EGFR: variants seen among roughly 807,000 people sequenced by gnomAD.
The protein encoded by EGFR is avian erythroblastic leukemia viral (v-erb-b) oncogene homolog.
A neutral mutation model predicts 143.0 loss-of-function variants in EGFR; 58 were observed. The observed-to-expected ratio is 0.41, with a 90% confidence interval of 0.33 to 0.50. The LOEUF is 0.50. EGFR is among the 20% of genes least tolerant of loss of function. The probability of loss-of-function intolerance (pLI) is 0.39; values close to 1 mark genes in which losing one functional copy is unlikely to be tolerated. For missense variants in EGFR, 1,307 were observed against 1,579.0 expected (o/e 0.83, Z 2.92); for synonymous variants, 613 against 594.4 (o/e 1.03, Z -0.45).
chr7:55,066,254 TA>T (rs1583953479), intron 1 of EGFR, among the ~76,000 whole-genome samples: 1 of 152,194 alleles, frequency 6.6e-6, no homozygotes, highest in African/African-American at 2.4e-5. Flanking sequence ...AAGTGAAAAC[TA>T]AAAAATTAAT....
At chr7:55,163,633 G>T in intron 13 of EGFR, 100 bp from the exon 14 acceptor site, 2 of 1,006,490 alleles carry the variant, frequency 2.0e-6, no homozygotes, top group South Asian at 1.3e-5. Context: ...CCAACTCCTT[G>T]ACCATTACCT....
intron 4 of EGFR, among the ~76,000 whole-genome samples, chr7:55,147,926 G>A (rs747322): frequency 0.013 from 2,050 of 152,292 alleles, 37 homozygotes; most frequent in African/African-American, 0.044. Context: ...AAAATGTCCC[G>A]AAGGTTTATC....
chr7:55,163,622 C>A, intron 13 of EGFR, 111 bp from the exon 14 acceptor site: 2 of 884,942 alleles, frequency 2.3e-6, no homozygotes, highest in Non-Finnish European at 3.8e-6. Flanking sequence ...GTCCTGGAGT[C>A]CCAACTCCTT....
Position 55,156,555 on chromosome 7 carries a change from T to C in EGFR, c.1029T>C (p.Gly343=), listed in dbSNP as rs774905136. The C allele has an allele frequency of 9.9e-6, 16 of 1,614,120 alleles. No individual in the cohort carries two copies. The East Asian group carries it at 3.3e-4, about 34-fold the overall frequency. The change falls in exon 9 of 28, where the codon GGT becomes GGC. Residue 343 remains glycine (G), a synonymous_variant. Transcript: ENST00000275493. ...CRKVCNGIGI[G]EFKDSLSINA... is the part of the protein sequence containing the mutation. Reference sequence around the variant, plus strand: ...CAGTGTGTAACGGAATAGGTATTGGTGAATTTAAAGACTCACTCTCCATAA... The same window carrying C: ...CAGTGTGTAACGGAATAGGTATTGGCGAATTTAAAGACTCACTCTCCATAA...
At chr7:55,173,681 T>C (rs900122861) in intron 17 of EGFR, among the ~76,000 whole-genome samples, 6 of 152,250 alleles carry the variant, frequency 3.9e-5, no homozygotes, top group African/African-American at 1.2e-4. Flanking sequence ...ATTGTGTTTG[T>C]TGAAAGGTAG....
intron 1 of EGFR, chr7:55,119,121 T>C (rs1793049132): frequency 6.6e-6 from 1 of 152,192 alleles, no homozygotes; most frequent in Non-Finnish European, 1.5e-5. Flanking sequence ...AATTTTCTAA[T>C]ACATCTGATC....
chr7:55,181,989 C>G (rs1264770972), intron 20 of EGFR: 2 of 213,262 alleles, frequency 9.4e-6, no homozygotes, highest in East Asian at 1.2e-4. Context: ...TAAGTGTCCC[C>G]CTTTCCACAG....
At position 55,173,918 on chromosome 7, in the gene EGFR, C is replaced by T. The variant is rs778075962; in HGVS notation, c.2062-3C>T. 1.9e-6 allele frequency: 3 copies of T among 1,614,148 alleles called. No homozygotes were observed. Among genetic ancestry groups the T allele is most frequent in the Non-Finnish European group, 2.5e-6 (3 of 1,180,050 alleles). On this transcript the variant is annotated splice_region_variant and splice_polypyrimidine_tract_variant and intron_variant, in intron 17 of 27. Coordinates refer to ENST00000275493, the MANE Select transcript of EGFR (RefSeq NM_005228.5). ...CTTGTCTCTGTGTTCTTGTCCCCCCCAGCTTGTGGAGCCTCTTACACCCAG... is the reference window on the plus strand; with the variant it reads ...CTTGTCTCTGTGTTCTTGTCCCCCCTAGCTTGTGGAGCCTCTTACACCCAG...
chr7:55,076,503 A>T (rs1380609327), intron 1 of EGFR, among the ~76,000 whole-genome samples: 1 of 152,166 alleles, frequency 6.6e-6, no homozygotes, highest in African/African-American at 2.4e-5. Context: ...AAACACAACT[A>T]ATGTCCAGAA....
At chr7:55,099,660 T>G (rs1297129865) in intron 1 of EGFR, among the ~76,000 whole-genome samples, 1 of 152,162 alleles carries the variant, frequency 6.6e-6, no homozygotes, top group Non-Finnish European at 1.5e-5. Flanking sequence ...GGACTCTGCC[T>G]TCAGGGCTTC....
intron 1 of EGFR, among the ~76,000 whole-genome samples, chr7:55,093,784 CTG>C (rs1052444804): frequency 2.0e-5 from 3 of 152,162 alleles, no homozygotes; most frequent in Admixed American, 2.0e-4. Flanking sequence ...TGAAACTAGT[CTG>C]TGATCCGAGG....
At chr7:55,049,640 A>G (rs1460387300) in intron 1 of EGFR, among the ~76,000 whole-genome samples, 1 of 152,000 alleles carries the variant, frequency 6.6e-6, no homozygotes, top group Non-Finnish European at 1.5e-5. Flanking sequence ...CTCTCTGATG[A>G]CTGCTTCATG....
At chr7:55,160,464 A>C (rs1785643362) in intron 12 of EGFR, 126 bp downstream of exon 12, 11 of 1,045,178 alleles carry the variant, frequency 1.1e-5, no homozygotes, top group Non-Finnish European at 1.5e-5. Context: ...GCAAATTAAA[A>C]TCTTAAGATT....
intron 15 of EGFR, among the ~76,000 whole-genome samples, chr7:55,165,916 G>A (rs938699500): frequency 2.6e-5 from 4 of 152,166 alleles, no homozygotes; most frequent in Non-Finnish European, 5.9e-5. Context: ...AGTGGCTCAC[G>A]CCTGTAATTC....
In EGFR at chr7:55,192,642, C is replaced by T. The variant is rs542929227; in HGVS notation, c.2626-124C>T. On this transcript the variant is annotated intron_variant, in intron 21 of 27. Coordinates refer to ENST00000275493, the MANE Select transcript of EGFR (RefSeq NM_005228.5). ...GGGAGGAGGCGCCGGGCCTGGGGGA[C>T]GGGTCCTGGGGTGATCTGGCTCGTC... The T allele has an allele frequency of 1.6e-4, 134 of 859,940 alleles. 2 individuals carry two copies. Among genetic ancestry groups the T allele is most frequent in the South Asian group, 1.4e-3 (101 of 71,278 alleles). 53.3% of individuals were successfully genotyped at this position (859,940 alleles called of 1,614,324 possible).
rs188084122 is a variant in EGFR at position 55,040,924 on chromosome 7, T to C, written c.88+21559T>C. Among the ~76,000 whole-genome samples, 3 of 152,350 alleles carry C rather than the reference T, an allele frequency of 2.0e-5. No individual in the cohort carries two copies. The East Asian group carries it at 5.8e-4, about 29-fold the overall frequency. Reference sequence around the variant, plus strand: ...TAATTTATTTAAGAATAAAATTAGCTATGCAAGAAATAGTATGTGGAGTCC... The same window carrying C: ...TAATTTATTTAAGAATAAAATTAGCCATGCAAGAAATAGTATGTGGAGTCC... On this transcript the variant is annotated intron_variant, in intron 1 of 27. Transcript: ENST00000275493.
chr7:55,041,923 C>A (rs2128869695), intron 1 of EGFR, among the ~76,000 whole-genome samples: 1 of 152,266 alleles, frequency 6.6e-6, no homozygotes, highest in Non-Finnish European at 1.5e-5. Flanking sequence ...CATGTAATCA[C>A]AATTAAACCT....
intron 1 of EGFR, among the ~76,000 whole-genome samples, chr7:55,026,923 C>T (rs1274612161): frequency 2.0e-5 from 3 of 151,962 alleles, no homozygotes; most frequent in African/African-American, 7.2e-5. Flanking sequence ...GCGGGCCCAG[C>T]ATGGCAGCAG....
chr7:55,186,929 C>T (rs1305759096), intron 20 of EGFR, among the ~76,000 whole-genome samples: 1 of 152,188 alleles, frequency 6.6e-6, no homozygotes, highest in African/African-American at 2.4e-5. Context: ...GGGAAGATAG[C>T]AGTGAACAAG....
Sources: gnomAD v4.1 joint callset for allele counts (sites outside exome capture counted in the v4.1 genomes callset) on GRCh38, gnomAD v4.1.1 for gene constraint, MANE v1.5 for transcripts, NCBI Gene and HGNC (gene_info 2026-07-23, HGNC 2026-07-21) for gene names.